The following IL17RD variants were observed in gnomAD, a reference collection of about 807,000 sequenced individuals.
IL17RD encodes interleukin 17 receptor D.
A neutral mutation model predicts 80.5 loss-of-function variants in IL17RD; 52 were observed. The ratio of observed to expected loss-of-function variants is 0.65; its 90% CI spans 0.52 to 0.81. The LOEUF (loss-of-function observed/expected upper bound fraction) is 0.81, where lower values mean the gene tolerates loss of function less well. Ranked by LOEUF, IL17RD falls within the 40% of genes least tolerant of loss-of-function variation. The probability of loss-of-function intolerance (pLI) is 0.00; values close to 1 mark genes in which losing one functional copy is unlikely to be tolerated. For missense variants in IL17RD, 1,024 were observed against 955.1 expected (o/e 1.07, Z -0.95); for synonymous variants, 416 against 391.8 (o/e 1.06, Z -0.73).
rs1056219135 is a variant in IL17RD, at chr3:57,110,049, G to A, written c.429+144C>T. 14 of 832,580 alleles carry A rather than the reference G, an allele frequency of 1.7e-5. No individual in the cohort carries two copies. The African/African-American group carries it at 2.4e-4, about 14-fold the overall frequency. 51.6% of individuals were successfully genotyped at this position (832,580 alleles called of 1,614,324 possible). ...CCTGGGAGCGTGGAGCAGGCTCAAG[G>A]TGCTGCTGTACCATTCTTGCCCACC... On this transcript the variant is annotated intron_variant, in intron 4 of 12. Transcript: ENST00000296318.
chr3:57,096,237 G>A lies in IL17RD; in HGVS notation c.*156C>T, dbSNP rs1706666448. On this transcript the variant is annotated 3_prime_UTR_variant, in exon 13 of 13. Coordinates refer to ENST00000296318, the MANE Select transcript of IL17RD (RefSeq NM_017563.5). The stretch of plus-strand genomic sequence containing the variant: ...AGTTTGTCAAGATATCCGGTAAAGG[G>A]TTGGGGCAAGGGAGAACAAGTACTG... 3.2e-6 allele frequency: 2 copies of A among 621,834 alleles called. No homozygotes were observed. The allele number at this position is 621,834 out of a possible 1,614,324, so 38.5% of individuals were successfully genotyped here.
chr3:57,104,280 G>A (rs1706901557), intron 8 of IL17RD, 62 bp downstream of exon 8: 2 of 1,142,066 alleles, frequency 1.8e-6, no homozygotes, highest in Non-Finnish European at 2.6e-6. Flanking sequence ...TAAACAGTTG[G>A]AATTCTATAT....
chr3:57,146,144 T>A (rs58399295), intron 1 of IL17RD, among the ~76,000 whole-genome samples: 5,430 of 152,302 alleles, frequency 0.036, 180 homozygotes, highest in East Asian at 0.17. Context: ...ATTTCCATGA[T>A]AATATTCAGA....
intron 5 of IL17RD, among the ~76,000 whole-genome samples, chr3:57,108,453 T>C (rs1369026656): frequency 6.8e-6 from 1 of 146,954 alleles, no homozygotes; most frequent in East Asian, 2.0e-4. Flanking sequence ...ATTACAGGCA[T>C]GAGCCACCGA....
upstream of IL17RD, among the ~76,000 whole-genome samples, chr3:57,165,662 T>C (rs2060344844): frequency 6.6e-6 from 1 of 152,072 alleles, no homozygotes; most frequent in Non-Finnish European, 1.5e-5. Context: ...GTAATAATAA[T>C]AATTTTAATA....
intron 1 of IL17RD, among the ~76,000 whole-genome samples, chr3:57,143,434 C>T (rs1707869225): frequency 6.6e-6 from 1 of 152,194 alleles, no homozygotes; most frequent in African/African-American, 2.4e-5. Flanking sequence ...TCAGAGGAGC[C>T]AGTCCTGAAG....
chr3:57,101,030 G>A, intron 11 of IL17RD, 149 bp downstream of exon 11: 1 of 614,042 alleles, frequency 1.6e-6, no homozygotes, highest in East Asian at 2.8e-5. Flanking sequence ...TGAAAAAAGA[G>A]TGCGAGACTA....
At chr3:57,145,196 C>A (rs1707902203) in intron 1 of IL17RD, among the ~76,000 whole-genome samples, 1 of 152,182 alleles carries the variant, frequency 6.6e-6, no homozygotes, top group Non-Finnish European at 1.5e-5. Flanking sequence ...TCAGAGCTCC[C>A]AGGGAGTCTG....
rs1240309660 is a variant in IL17RD at position 57,137,521 on chromosome 3, G to T, written c.127-17208C>A. On this transcript the variant is annotated intron_variant, in intron 1 of 12. Coordinates refer to ENST00000296318, the MANE Select transcript of IL17RD (RefSeq NM_017563.5). ...CAAAGGATGAATCCAAAGGACCCAAGAATTGAACAGATGGGATGAGTCAAA... is the reference window on the plus strand; with the variant it reads ...CAAAGGATGAATCCAAAGGACCCAATAATTGAACAGATGGGATGAGTCAAA... 2.6e-5 allele frequency among the ~76,000 whole-genome samples: 4 copies of T among 152,222 alleles called. No homozygotes were observed. In the East Asian group the frequency reaches 7.7e-4, roughly 29 times the overall value.
chr3:57,114,947 A>C, intron 2 of IL17RD, 130 bp from the exon 3 acceptor site: 1 of 656,090 alleles, frequency 1.5e-6, no homozygotes, highest in Non-Finnish European at 2.4e-6. Context: ...TGTCCCTCAA[A>C]AGCCCAAAAT....
In IL17RD at chr3:57,097,765, C is replaced by A; in HGVS notation, c.1938G>T (p.Leu646=). The A allele has an allele frequency of 6.2e-7, 1 of 1,602,762 alleles. No homozygotes were observed. Among genetic ancestry groups the A allele is most frequent in the Non-Finnish European group, 8.5e-7 (1 of 1,174,172 alleles). ...ALDGSAALQP[L]LHTVKAGSPS... ...GGCTGCCGGCTTTCACCGTGTGCAG[C>A]AGGGGTTGCAGGGCGGCGCTACCGT... Residue 646 remains leucine (L), a synonymous_variant, in exon 12 of 13, where the codon CTG becomes CTT. Transcript: ENST00000296318.
chr3:57,098,174 T>G lies in IL17RD; in HGVS notation c.1529A>C (p.His510Pro), dbSNP rs1284808323. The change falls in exon 12 of 13, where the codon CAC becomes CCC. Residue 510 changes from histidine to proline, a missense_variant. His to Pro is a moderately conservative substitution (Grantham distance 77). Coordinates refer to ENST00000296318, the MANE Select transcript of IL17RD (RefSeq NM_017563.5). ...GAGGCCGTGGTCTCGGGAGTGCAAG[T>G]GGGAACAGAGCTGAGGAAGATTGTC... ...LMDNLPQLCS[H>P]LHSRDHGLQE... 6.2e-7 allele frequency: 1 copy of G among 1,613,784 alleles called. No homozygotes were observed. Among genetic ancestry groups the G allele is most frequent in the African/African-American group, 1.3e-5 (1 of 74,974 alleles).
chr3:57,113,766 C>G (rs1412387269), intron 3 of IL17RD, among the ~76,000 whole-genome samples: 1 of 152,058 alleles, frequency 6.6e-6, no homozygotes, highest in South Asian at 2.1e-4. Flanking sequence ...TAGTCTCGAA[C>G]TCCTGGCCTC....
At chr3:57,165,537 TGA>T (rs2060343485), upstream of IL17RD, among the ~76,000 whole-genome samples, 1 of 95,400 alleles carries the variant, frequency 1.0e-5, no homozygotes, top group Admixed American at 1.4e-4. Flanking sequence ...AAGCCCCCAC[TGA>T]GACTCTGGCA....
chr3:57,123,999 C>T (rs543866610), intron 1 of IL17RD, among the ~76,000 whole-genome samples: 82 of 152,244 alleles, frequency 5.4e-4, no homozygotes, highest in African/African-American at 1.4e-3. Context: ...GAGCCGAGAT[C>T]GCGCCATCGT....
rs1706736778 is a variant in IL17RD at position 57,098,177 on chromosome 3, GA to G, written c.1525del (p.Ser509ProfsTer80). On this transcript the variant is annotated frameshift_variant, in exon 12 of 13. Transcript: ENST00000296318. LOFTEE classifies it high-confidence loss of function. ...RLMDNLPQLC[S>X]HLHSRDHGLQ... is the part of the protein sequence containing the mutation. ...GCCGTGGTCTCGGGAGTGCAAGTGGGAACAGAGCTGAGGAAGATTGTCCATG... is the reference window on the plus strand; with the variant it reads ...GCCGTGGTCTCGGGAGTGCAAGTGGGACAGAGCTGAGGAAGATTGTCCATG... 1 of 1,613,820 alleles carries G rather than the reference GA, an allele frequency of 6.2e-7. No individual in the cohort carries two copies.
rs866071029 is a variant in IL17RD at position 57,127,209 on chromosome 3, A to T, written c.127-6896T>A. 7.7e-4 allele frequency among the ~76,000 whole-genome samples: 79 copies of T among 102,900 alleles called. 1 individual carries two copies. The highest frequency in any genetic ancestry group is 4.1e-3 in the African/African-American group (70 of 17,130). The allele number at this position is 102,900 out of a possible 152,430, so 67.5% of individuals were successfully genotyped here. A position where few individuals can be genotyped will look rare whatever the true frequency, so the allele number is the denominator to read the frequency against. ...ATATATATATATATAAATATATATA[A>T]AAATATATATAAATATATATAAAAA... On this transcript the variant is annotated intron_variant, in intron 1 of 12. Transcript: ENST00000296318.
At chr3:57,153,884 A>G (rs1419694436) in intron 1 of IL17RD, among the ~76,000 whole-genome samples, 1 of 152,056 alleles carries the variant, frequency 6.6e-6, no homozygotes, top group Non-Finnish European at 1.5e-5. Flanking sequence ...ACAGGTGACT[A>G]GCTGCCTGCT....
chr3:57,145,459 C>T (rs760526576), intron 1 of IL17RD, among the ~76,000 whole-genome samples: 7 of 152,012 alleles, frequency 4.6e-5, no homozygotes, highest in African/African-American at 9.7e-5. Context: ...CCAGCAGAGC[C>T]GACAGGCCAC....
Sources: gnomAD v4.1 joint callset for allele counts (sites outside exome capture counted in the v4.1 genomes callset) on GRCh38, gnomAD v4.1.1 for gene constraint, MANE v1.5 for transcripts, NCBI Gene and HGNC (gene_info 2026-07-23, HGNC 2026-07-21) for gene names.